Variants in PDE8A observed in about 807,000 individuals in gnomAD.
The protein encoded by PDE8A is high affinity cAMP-specific and IBMX-insensitive 3',5'-cyclic phosphodiesterase 8A.
In PDE8A, 59 loss-of-function variants were observed where a neutral mutation model predicts 105.0. The ratio of observed to expected loss-of-function variants is 0.56; its 90% confidence interval spans 0.46 to 0.70. The LOEUF (loss-of-function observed/expected upper bound fraction) is 0.70. PDE8A is among the 30% of genes least tolerant of loss of function. The pLI is 0.00. For synonymous variants in PDE8A, 355 were observed against 371.9 expected, an observed-to-expected ratio of 0.95 and a Z score of 0.52; for missense variants, 1,014 against 1,045.9, an observed-to-expected ratio of 0.97 and a Z score of 0.42.
chr15:85,016,846 A>C (rs2080332534), intron 1 of PDE8A, among the ~76,000 whole-genome samples: 1 of 148,928 alleles, frequency 6.7e-6, no homozygotes, highest in Admixed American at 6.7e-5. Context: ...TGTTTTTATG[A>C]CTCTCCTCAT....
chr15:85,115,443 G>A lies in PDE8A; in HGVS notation c.1355G>A (p.Gly452Asp). Residue 452 changes from glycine to aspartate, a missense_variant, in exon 15 of 22, where the codon GGT (glycine) becomes GAT (aspartate). Coordinates refer to ENST00000394553, the MANE Select transcript of PDE8A (RefSeq NM_002605.3). ...NDLVGGLMSD[G>D]LRRLSGNEYV... is the part of the protein sequence containing the mutation. ...TGTTTCCTTGATTTTTATCAGGATG[G>A]TTTGCGAAGACTATCAGGGAATGAA... 4 of 1,540,002 alleles carry A rather than the reference G, an allele frequency of 2.6e-6. No homozygotes were observed. Among genetic ancestry groups the A allele is most frequent in the Non-Finnish European group, 3.5e-6 (4 of 1,142,850 alleles).
intron 3 of PDE8A, 44 bp from the exon 4 acceptor site, chr15:85,075,818 G>A: frequency 2.7e-6 from 3 of 1,106,808 alleles, no homozygotes; most frequent in Non-Finnish European, 4.0e-6. Flanking sequence ...TGGTTTTTAA[G>A]GATTATTTTT....
At chr15:85,073,719 T>C (rs1019042460) in intron 3 of PDE8A, among the ~76,000 whole-genome samples, 1 of 152,250 alleles carries the variant, frequency 6.6e-6, no homozygotes, top group Non-Finnish European at 1.5e-5. Flanking sequence ...AAATACCATT[T>C]GTGAGTCACG....
chr15:85,054,218 G>T (rs1185186165), intron 1 of PDE8A, among the ~76,000 whole-genome samples: 1 of 152,160 alleles, frequency 6.6e-6, no homozygotes, highest in Admixed American at 6.5e-5. Context: ...GATTCAGTTT[G>T]CCAGTATTTT....
chr15:85,097,088 A>T (rs2081767795), intron 8 of PDE8A, among the ~76,000 whole-genome samples: 1 of 152,160 alleles, frequency 6.6e-6, no homozygotes, highest in African/African-American at 2.4e-5. Context: ...GGGACTCTGG[A>T]AGGCTAAGAA....
chr15:85,095,317 T>A (rs1296393126), intron 8 of PDE8A, among the ~76,000 whole-genome samples: 1 of 152,182 alleles, frequency 6.6e-6, no homozygotes, highest in African/African-American at 2.4e-5. Flanking sequence ...AAGGTTGTAC[T>A]ATTATTATTC....
chr15:84,983,451 AGTC>A (rs2079753063), intron 1 of PDE8A, among the ~76,000 whole-genome samples: 1 of 152,224 alleles, frequency 6.6e-6, no homozygotes, highest in East Asian at 1.9e-4. Context: ...CATTTCTAGC[AGTC>A]GTCATGATAC....
At chr15:85,042,385 C>T (rs531192536) in intron 1 of PDE8A, among the ~76,000 whole-genome samples, 49 of 152,190 alleles carry the variant, frequency 3.2e-4, no homozygotes, top group African/African-American at 1.2e-3. Context: ...TCTTGAACTC[C>T]TGGGCTCAAG....
At chr15:85,065,210 C>A (rs747932473) in intron 2 of PDE8A, among the ~76,000 whole-genome samples, 6 of 151,658 alleles carry the variant, frequency 4.0e-5, no homozygotes, top group African/African-American at 1.5e-4. Context: ...TGAATCAGCT[C>A]TGTCAGAGAG....
At chr15:85,134,476 G>C (rs912717010) in intron 20 of PDE8A, among the ~76,000 whole-genome samples, 1 of 151,828 alleles carries the variant, frequency 6.6e-6, no homozygotes. Context: ...GCTTTTCTTA[G>C]ACAGCAGTGG....
intron 20 of PDE8A, among the ~76,000 whole-genome samples, chr15:85,135,392 C>T (rs533979899): frequency 8.5e-5 from 13 of 152,280 alleles, no homozygotes; most frequent in African/African-American, 2.9e-4. Flanking sequence ...TGGCTCTACC[C>T]CCTCCAGCCC....
chr15:85,072,820 T>G (rs1301278200), intron 3 of PDE8A, among the ~76,000 whole-genome samples: 1 of 152,150 alleles, frequency 6.6e-6, no homozygotes, highest in East Asian at 1.9e-4. Context: ...CTTTTAAGAC[T>G]TTCCCAGTGA....
intron 20 of PDE8A, among the ~76,000 whole-genome samples, chr15:85,133,568 T>G (rs2082359694): frequency 6.6e-6 from 1 of 152,170 alleles, no homozygotes; most frequent in Non-Finnish European, 1.5e-5. Context: ...ATTCACTTGG[T>G]TGCTGTAGAC....
At chr15:85,085,862 A>C (rs1272840422) in intron 6 of PDE8A, among the ~76,000 whole-genome samples, 1 of 151,732 alleles carries the variant, frequency 6.6e-6, no homozygotes, top group Non-Finnish European at 1.5e-5. Flanking sequence ...AATACAAAAA[A>C]TTAGCTGGGC....
intron 18 of PDE8A, 80 bp downstream of exon 18, chr15:85,121,094 A>G: frequency 1.1e-6 from 1 of 899,924 alleles, no homozygotes; most frequent in Non-Finnish European, 1.7e-6. Flanking sequence ...TTCACATCTT[A>G]TACAGTTCAC....
chr15:85,050,957 C>T (rs1423019095), intron 1 of PDE8A, among the ~76,000 whole-genome samples: 2 of 152,130 alleles, frequency 1.3e-5, no homozygotes, highest in East Asian at 3.8e-4. Flanking sequence ...GGATATGTTT[C>T]CATTTATTAA....
At position 84,982,341 on chromosome 15, in the gene PDE8A, G is replaced by GC; in HGVS notation, c.180dup (p.Lys61GlnfsTer7). 1 of 1,327,602 alleles carries GC rather than the reference G, an allele frequency of 7.5e-7. No homozygotes were observed. Among genetic ancestry groups the GC allele is most frequent in the Non-Finnish European group, 9.6e-7 (1 of 1,042,230 alleles). 82.2% of individuals were successfully genotyped at this position (1,327,602 alleles called of 1,614,324 possible). A position where few individuals can be genotyped will look rare whatever the true frequency, so the allele number is the denominator to read the frequency against. ...GAGTCGGAGCTTCGCGACGGCAGCG[G>GC]CAAGAAGGTAAGGGGCGCCGGGCAC... On this transcript the variant is annotated frameshift_variant, in exon 1 of 22. Coordinates refer to ENST00000394553, the MANE Select transcript of PDE8A (RefSeq NM_002605.3). LOFTEE classifies it high-confidence loss of function.
intron 19 of PDE8A, among the ~76,000 whole-genome samples, chr15:85,124,350 CTT>C (rs1424902655): frequency 6.6e-6 from 1 of 152,164 alleles, no homozygotes; most frequent in Non-Finnish European, 1.5e-5. Context: ...TCATCAGCAA[CTT>C]AAAGAATATG....
chr15:85,098,000 A>C lies in PDE8A; in HGVS notation c.905A>C (p.Gln302Pro). 6.2e-7 allele frequency: 1 copy of C among 1,604,402 alleles called. No homozygotes were observed. ...AKKKNGDNIQ[Q>P]NVKIIPVIGQ... is the part of the protein sequence containing the mutation. ...AAGAAAAACGGAGATAATATACAAC[A>C]AAATGTGAAGATAATACCTGTCATT... Residue 302 changes from glutamine (Q) to proline (P), a missense_variant, in exon 9 of 22, where the codon CAA becomes CCA. Physicochemically the swap from Gln to Pro is moderately conservative, Grantham distance 76. Transcript: ENST00000394553.
Sources: gnomAD v4.1 joint callset for allele counts (sites outside exome capture counted in the v4.1 genomes callset) on GRCh38, gnomAD v4.1.1 for gene constraint, MANE v1.5 for transcripts, NCBI Gene and HGNC (gene_info 2026-07-23, HGNC 2026-07-21) for gene names.